UBE2D3: variants seen among roughly 807,000 people sequenced by gnomAD.
UBE2D3 encodes ubiquitin-conjugating enzyme E2 D3.
UBE2D3 carries 2 observed loss-of-function variants against 22.8 expected under a neutral mutation model. The observed-to-expected ratio is 0.09, with a 90% CI of 0.04 to 0.28. The LOEUF is 0.28. UBE2D3 is among the 10% of genes least tolerant of loss of function. UBE2D3 has a pLI of 1.00. For missense variants in UBE2D3, 27 were observed against 182.5 expected (o/e 0.15, Z 4.91); for synonymous variants, 56 against 60.4 (o/e 0.93, Z 0.34).
chr4:102,811,515 C>A (rs1728020099), intron 2 of UBE2D3: 2 of 244,730 alleles, frequency 8.2e-6, no homozygotes, highest in Non-Finnish European at 1.6e-5. Context: ...AACCCCATCT[C>A]TACTAACATC....
rs148905418 is a variant in UBE2D3 at position 102,863,015 on chromosome 4, G to A, written c.-129+5700C>T. On this transcript the variant is annotated intron_variant, in intron 1 of 7. Coordinates refer to the UBE2D3 transcript ENST00000338145. ...TGAGAGAGAAAGGCCAGAAGTGAGG[G>A]GTATGGGTATGCCCAGGCTTCTTTG... Among the ~76,000 whole-genome samples the A allele has an allele frequency of 7.1e-4, 108 of 151,982 alleles. 2 individuals carry two copies. Among genetic ancestry groups the A allele is most frequent in the African/African-American group, 2.5e-3 (105 of 41,474 alleles).
upstream of UBE2D3, chr4:102,828,001 G>C: frequency 7.1e-6 from 7 of 985,484 alleles, no homozygotes; most frequent in Non-Finnish European, 8.4e-6. Context: ...CGAAGCGGTA[G>C]CTCTGCAATG....
At chr4:102,821,284 A>G (rs879227443) in intron 2 of UBE2D3, among the ~76,000 whole-genome samples, 2 of 152,204 alleles carry the variant, frequency 1.3e-5, no homozygotes, top group East Asian at 1.9e-4. Context: ...AGTACAAAAA[A>G]TACAGTATAG....
chr4:102,833,024 AAAAC>A (rs1352177909), intron 1 of UBE2D3, among the ~76,000 whole-genome samples: 1 of 151,898 alleles, frequency 6.6e-6, no homozygotes, highest in Non-Finnish European at 1.5e-5. Flanking sequence ...TGTTTATAGA[AAAAC>A]AAAATATGAT....
In UBE2D3 at chr4:102,860,186, A is replaced by T. The variant is rs769760421; in HGVS notation, c.-129+8529T>A. On this transcript the variant is annotated intron_variant, in intron 1 of 7. Transcript: ENST00000338145. ...TAGTGGTTTCTTTGTTGAAATTCTC[A>T]TTTGTTCATGTATTGTTTTCCTGAT... is the stretch of plus-strand genomic sequence containing the variant. Among the ~76,000 whole-genome samples, 5 of 148,394 alleles carry T rather than the reference A, an allele frequency of 3.4e-5. 1 individual carries two copies. The highest frequency in any genetic ancestry group is 7.7e-5 in the Non-Finnish European group (5 of 65,280).
chr4:102,828,372 C>T (rs1202322867), upstream of UBE2D3, among the ~76,000 whole-genome samples: 1 of 152,030 alleles, frequency 6.6e-6, no homozygotes, highest in Non-Finnish European at 1.5e-5. Flanking sequence ...TGGGAGGAGG[C>T]GCCCCTCGAG....
At chr4:102,798,014 GGTGT>G (rs980434637) in intron 7 of UBE2D3, among the ~76,000 whole-genome samples, 2 of 151,498 alleles carry the variant, frequency 1.3e-5, no homozygotes, top group South Asian at 2.1e-4. Context: ...TTTCAAAAGG[GGTGT>G]GTGTGTGAGT....
intron 1 of UBE2D3, among the ~76,000 whole-genome samples, chr4:102,865,125 A>G (rs1733084973): frequency 6.6e-6 from 1 of 152,228 alleles, no homozygotes; most frequent in Admixed American, 6.5e-5. Context: ...TTCTTAAACA[A>G]GACTCCCAGA....
rs1188780629 is a variant in UBE2D3, at chr4:102,807,747, C to A, written c.120+1925G>T. On this transcript the variant is annotated intron_variant, in intron 4 of 7. Transcript: ENST00000453744. ...CAAATTAAGTAAACTGCTAAAAAAT[C>A]TGTCAGAATAAGCAACACCATTCTC... Among the ~76,000 whole-genome samples the A allele has an allele frequency of 2.0e-5, 3 of 152,170 alleles. No individual in the cohort carries two copies. The East Asian group carries it at 5.8e-4, about 29-fold the overall frequency.
chr4:102,837,907 T>C (rs1301032311), intron 1 of UBE2D3, among the ~76,000 whole-genome samples: 1 of 152,136 alleles, frequency 6.6e-6, no homozygotes, highest in African/African-American at 2.4e-5. Context: ...TGAGCCGAGA[T>C]TGCGCCACTG....
intron 1 of UBE2D3, among the ~76,000 whole-genome samples, chr4:102,851,786 C>G (rs1022547534): frequency 6.6e-6 from 1 of 151,880 alleles, no homozygotes; most frequent in African/African-American, 2.4e-5. Context: ...CCTGTCTCAG[C>G]CTCCCAAGTA....
intron 1 of UBE2D3, among the ~76,000 whole-genome samples, chr4:102,839,477 T>C (rs1190912461): frequency 6.6e-6 from 1 of 152,188 alleles, no homozygotes; most frequent in African/African-American, 2.4e-5. Context: ...TTCACCATAT[T>C]GCCCAGGCTT....
At position 102,827,402 on chromosome 4, in the gene UBE2D3, C is replaced by T. The variant is rs562075513; in HGVS notation, c.-129+25G>A. ...CACTGGGCCGGCCTCCCTTCCCTGC[C>T]CTAGCCGTCCACACCCACGCGTACA... On this transcript the variant is annotated intron_variant, in intron 1 of 7. Transcript: ENST00000453744. 2.3e-5 allele frequency: 23 copies of T among 986,238 alleles called. No homozygotes were observed. In the South Asian group the frequency reaches 1.1e-3, roughly 46 times the overall value. 61.1% of individuals were successfully genotyped at this position (986,238 alleles called of 1,614,324 possible).
rs1473445790 is a variant in UBE2D3, at chr4:102,795,926, T to C, written c.*1489A>G. The C allele has an allele frequency of 1.3e-5, 2 of 152,474 alleles. No homozygotes were observed. Among genetic ancestry groups the C allele is most frequent in the Non-Finnish European group, 2.9e-5 (2 of 67,926 alleles). 9.4% of individuals were successfully genotyped at this position (152,474 alleles called of 1,614,324 possible). A position where few individuals can be genotyped will look rare whatever the true frequency, so the allele number is the denominator to read the frequency against. ...TGAAGAATGGTAATGCCCTTGTTAC[T>C]ACAGAAGTTAAATCAGTGGCACAGA... On this transcript the variant is annotated 3_prime_UTR_variant, in exon 8 of 8. Transcript: ENST00000453744.
chr4:102,836,513 A>G (rs931588781), intron 1 of UBE2D3, among the ~76,000 whole-genome samples: 5 of 152,146 alleles, frequency 3.3e-5, no homozygotes, highest in African/African-American at 1.2e-4. Context: ...TTATATGGAC[A>G]TATGTTTTCA....
At chr4:102,850,076 C>G (rs1189093654) in intron 1 of UBE2D3, among the ~76,000 whole-genome samples, 1 of 152,056 alleles carries the variant, frequency 6.6e-6, no homozygotes, top group Non-Finnish European at 1.5e-5. Flanking sequence ...ATATTTTATC[C>G]ATTTAATAGA....
At chr4:102,823,383 G>A (rs1729937953) in intron 2 of UBE2D3, among the ~76,000 whole-genome samples, 1 of 152,156 alleles carries the variant, frequency 6.6e-6, no homozygotes, top group Admixed American at 6.5e-5. Flanking sequence ...AGTGGTGGTA[G>A]GAGGGAAACG....
In UBE2D3 at chr4:102,794,508, A is replaced by T. The variant is rs1053796516; in HGVS notation, c.*2907T>A. 1 of 152,128 alleles carries T rather than the reference A, an allele frequency of 6.6e-6. No homozygotes were observed. Among genetic ancestry groups the T allele is most frequent in the Non-Finnish European group, 1.5e-5 (1 of 67,990 alleles). The allele number at this position is 152,128 out of a possible 1,614,324, so 9.4% of individuals were successfully genotyped here. ...TGACTTGCACTGGGTTCCTCATAAA[A>T]GACAAATTCACTTAAAAGTGTAATC... On this transcript the variant is annotated 3_prime_UTR_variant, in exon 8 of 8. Coordinates refer to ENST00000453744, the MANE Select transcript of UBE2D3 (RefSeq NM_181891.3).
chr4:102,837,271 C>G (rs911191926), intron 1 of UBE2D3, among the ~76,000 whole-genome samples: 1 of 152,158 alleles, frequency 6.6e-6, no homozygotes, highest in African/African-American at 2.4e-5. Context: ...TTGTTAAACA[C>G]AGCCATTATT....
Sources: allele counts gnomAD v4.1 joint callset (sites outside exome capture counted in the v4.1 genomes callset), GRCh38; gene constraint gnomAD v4.1.1; transcripts MANE v1.5; gene names NCBI Gene and HGNC (gene_info 2026-07-23, HGNC 2026-07-21).